The following INO80 variants were observed in gnomAD, a reference collection of about 807,000 sequenced individuals.
INO80 encodes the protein chromatin-remodeling ATPase INO80.
A neutral mutation model predicts 203.4 loss-of-function variants in INO80; 20 were observed. The observed-to-expected ratio is 0.10, with a 90% CI of 0.07 to 0.14. The LOEUF (loss-of-function observed/expected upper bound fraction) is 0.14, where lower values mean the gene tolerates loss of function less well. Ranked by LOEUF, INO80 falls within the 10% of genes least tolerant of loss-of-function variation. The pLI, the probability that INO80 is intolerant of heterozygous loss-of-function variation, is 1.00. For missense variants in INO80, 1,419 were observed against 1,914.4 expected (o/e 0.74, Z 4.83); for synonymous variants, 726 against 685.2 (o/e 1.06, Z -0.93).
In INO80 at chr15:41,081,089, A is replaced by G. The variant is rs554253768; in HGVS notation, c.874-16T>C. 6.6e-7 allele frequency: 1 copy of G among 1,515,096 alleles called. No homozygotes were observed. The highest frequency in any genetic ancestry group is 1.4e-5 in the African/African-American group (1 of 73,020). 93.9% of individuals were successfully genotyped at this position (1,515,096 alleles called of 1,614,324 possible). On this transcript the variant is annotated splice_polypyrimidine_tract_variant and intron_variant, in intron 7 of 35. Transcript: ENST00000648947. ...GCTTATTTGCCTAAAATATTTAAAA[A>G]ACAATATTTCATTTAGGATTCATTT...
chr15:40,987,382 A>C (rs2140414000), intron 30 of INO80, among the ~76,000 whole-genome samples, 189 bp from the exon 31 acceptor site: 1 of 152,382 alleles, frequency 6.6e-6, no homozygotes, highest in Middle Eastern at 3.4e-3. Flanking sequence ...GACAGAAGGA[A>C]AATGATAACT....
chr15:40,987,311 TTTC>T (rs1296174341), intron 30 of INO80, 118 bp from the exon 31 acceptor site: 1 of 595,966 alleles, frequency 1.7e-6, no homozygotes, highest in Non-Finnish European at 3.0e-6. Flanking sequence ...TGGTTTCCTA[TTTC>T]TTCTTTTCTC....
At chr15:41,084,264 A>C (rs910660559) in intron 7 of INO80, among the ~76,000 whole-genome samples, 4 of 152,082 alleles carry the variant, frequency 2.6e-5, no homozygotes, top group African/African-American at 9.7e-5. Context: ...ATTATATCAA[A>C]ATAACATGTT....
At chr15:41,042,687 T>G (rs2044689164) in intron 24 of INO80, among the ~76,000 whole-genome samples, 1 of 152,138 alleles carries the variant, frequency 6.6e-6, no homozygotes, top group Non-Finnish European at 1.5e-5. Context: ...TTGGCCAGGC[T>G]GGTCTTGAAC....
At position 41,066,467 on chromosome 15, in the gene INO80, T is replaced by A. The variant is rs567089893; in HGVS notation, c.1782+3103A>T. The stretch of plus-strand genomic sequence containing the variant: ...CCACCAGGCCCAGCCCATTTTTAAA[T>A]AGTTAAAATGGTAAATACTATGTTC... On this transcript the variant is annotated intron_variant, in intron 14 of 35. Transcript: ENST00000648947. Among the ~76,000 whole-genome samples the A allele has an allele frequency of 2.6e-5, 4 of 151,948 alleles. No individual in the cohort carries two copies. The South Asian group carries it at 8.3e-4, about 32-fold the overall frequency.
intron 28 of INO80, among the ~76,000 whole-genome samples, chr15:41,003,592 AG>A (rs2043996708): frequency 6.6e-6 from 1 of 151,896 alleles, no homozygotes; most frequent in Non-Finnish European, 1.5e-5. Context: ...GGCCTCCCAA[AG>A]TGCTGGGATT....
intron 27 of INO80, among the ~76,000 whole-genome samples, chr15:41,009,251 C>CT (rs2044097681): frequency 2.8e-5 from 4 of 141,934 alleles, no homozygotes; most frequent in African/African-American, 1.0e-4. Flanking sequence ...TTTTATTATA[C>CT]TTTAAGTTTT....
chr15:40,986,716 C>A (rs1343105054), intron 31 of INO80, among the ~76,000 whole-genome samples: 20 of 152,144 alleles, frequency 1.3e-4, no homozygotes, highest in Non-Finnish European at 1.5e-5. Flanking sequence ...ATCTCCACCT[C>A]CTGGGTTCAA....
At chr15:41,063,215 TTATTC>T (rs72140085) in intron 14 of INO80, among the ~76,000 whole-genome samples, 1,576 of 152,024 alleles carry the variant, frequency 0.01, 31 homozygotes, top group African/African-American at 0.037. Context: ...TAGGTGCCTG[TTATTC>T]TAGCTACTCA....
chr15:41,020,159 T>C (rs1198039515), intron 26 of INO80, among the ~76,000 whole-genome samples: 12 of 151,942 alleles, frequency 7.9e-5, no homozygotes, highest in Non-Finnish European at 1.6e-4. Flanking sequence ...AGGCGGGGCT[T>C]GCAGTGAGCC....
In INO80 at chr15:40,987,081, G is replaced by C. The variant is rs765780277; in HGVS notation, c.3832+10C>G. 6.6e-7 allele frequency: 1 copy of C among 1,511,192 alleles called. No homozygotes were observed. The highest frequency in any genetic ancestry group is 1.4e-5 in the African/African-American group (1 of 72,816). 93.6% of individuals were successfully genotyped at this position (1,511,192 alleles called of 1,614,324 possible). A position where few individuals can be genotyped will look rare whatever the true frequency, so the allele number is the denominator to read the frequency against. The stretch of plus-strand genomic sequence containing the variant: ...CGTGAGGGGAGTGTATAGAGGTTTA[G>C]AGTACATACGTTTCTTCTCCAACTC... On this transcript the variant is annotated intron_variant, in intron 31 of 35. Coordinates refer to ENST00000648947, the MANE Select transcript of INO80 (RefSeq NM_017553.3).
chr15:41,058,751 G>A lies in INO80; in HGVS notation c.1873C>T (p.His625Tyr). 1 of 1,613,802 alleles carries A rather than the reference G, an allele frequency of 6.2e-7. No homozygotes were observed. Among genetic ancestry groups the A allele is most frequent in the Non-Finnish European group, 8.5e-7 (1 of 1,179,868 alleles). ...KTLYTQDAPF[H>Y]VVITSYQLVV... ...AGCTGATAGCTGGTAATAACCACAT[G>A]GAAGGGGGCATCCTGAGTGTAGAGG... is the stretch of plus-strand genomic sequence containing the variant. Residue 625 changes from histidine to tyrosine, a missense_variant, in exon 16 of 36, where the codon CAT becomes TAT. By Grantham distance (83) the His-to-Tyr change is moderately conservative (BLOSUM62 2). Around this residue, in one of 9 missense-constraint regions of INO80, gnomAD observed 192 missense variants for 406.7 expected, o/e 0.47. Coordinates refer to ENST00000648947, the MANE Select transcript of INO80 (RefSeq NM_017553.3).
At chr15:41,001,558 G>A (rs2043958777) in intron 28 of INO80, among the ~76,000 whole-genome samples, 1 of 152,162 alleles carries the variant, frequency 6.6e-6, no homozygotes, top group Non-Finnish European at 1.5e-5. Context: ...CAGATAATGG[G>A]GAGAGGATCC....
intron 29 of INO80, among the ~76,000 whole-genome samples, chr15:40,990,103 A>G (rs867622429): frequency 6.6e-6 from 1 of 151,614 alleles, no homozygotes; most frequent in African/African-American, 2.4e-5. Context: ...TATATCTCTC[A>G]CTGAATTCTA....
rs1187929124 is a variant in INO80 at position 41,059,766 on chromosome 15, T to C, written c.1842+101A>G. On this transcript the variant is annotated intron_variant, in intron 15 of 35. Transcript: ENST00000648947. ...TTGATCAGTGTCCAGAAATATATAA[T>C]AGATAAGAAGATTTTTGTCTAAAAG... 11 of 737,054 alleles carry C rather than the reference T, an allele frequency of 1.5e-5. No homozygotes were observed. In the East Asian group the frequency reaches 2.5e-4, roughly 17 times the overall value. 45.7% of individuals were successfully genotyped at this position (737,054 alleles called of 1,614,324 possible).
intron 1 of INO80, among the ~76,000 whole-genome samples, chr15:41,098,878 T>C (rs73399092): frequency 0.12 from 17,554 of 151,936 alleles, 3,139 homozygotes; most frequent in African/African-American, 0.38. Flanking sequence ...GACTAGCTAA[T>C]AGACACATGA....
chr15:41,004,231 T>C (rs2044004633), intron 28 of INO80, among the ~76,000 whole-genome samples: 1 of 152,214 alleles, frequency 6.6e-6, no homozygotes, highest in Non-Finnish European at 1.5e-5. Context: ...TCCTTATTGT[T>C]GGTCAAACAG....
intron 5 of INO80, among the ~76,000 whole-genome samples, chr15:41,089,007 G>A (rs1180323212): frequency 6.6e-6 from 1 of 151,884 alleles, no homozygotes; most frequent in Non-Finnish European, 1.5e-5. Context: ...TGGCCAACAT[G>A]ATGAAACCAC....
rs1249247343 is a variant in INO80, at chr15:41,116,015, G to A, written c.-86C>T. ...CGCCGCCGCGACGGCGGCGGAGGGG[G>A]GGCGGGGTGCGGGCGGGGTCCGGAG... On this transcript the variant is annotated 5_prime_UTR_variant, in exon 1 of 36. Transcript: ENST00000648947. 5.1e-6 allele frequency: 2 copies of A among 391,414 alleles called. No homozygotes were observed. The highest frequency in any genetic ancestry group is 3.6e-5 in the East Asian group (1 of 27,508). 24.2% of individuals were successfully genotyped at this position (391,414 alleles called of 1,614,324 possible).
Sources: gnomAD v4.1 joint callset for allele counts (sites outside exome capture counted in the v4.1 genomes callset) on GRCh38, gnomAD v4.1.1 for gene constraint, gnomAD v4.1.1 regional missense constraint, MANE v1.5 for transcripts, NCBI Gene and HGNC (gene_info 2026-07-23, HGNC 2026-07-21) for gene names.